UBE2K: variants seen among roughly 807,000 people sequenced by gnomAD.
UBE2K encodes ubiquitin conjugating enzyme E2 K.
Under a neutral mutation model 30.0 loss-of-function variants are expected in UBE2K, and 6 were observed. The ratio of observed to expected loss-of-function variants is 0.20; its 90% confidence interval spans 0.11 to 0.39. UBE2K has a LOEUF of 0.39. UBE2K is among the 10% of genes least tolerant of loss of function. The probability of loss-of-function intolerance (pLI) is 1.00; values close to 1 mark genes in which losing one functional copy is unlikely to be tolerated. For missense variants in UBE2K, 61 were observed against 241.6 expected (o/e 0.25, Z 4.96); for synonymous variants, 86 against 83.7 (o/e 1.03, Z -0.15).
intron 1 of UBE2K, among the ~76,000 whole-genome samples, chr4:39,724,189 C>G (rs924903248): frequency 9.9e-5 from 15 of 151,272 alleles, no homozygotes; most frequent in Non-Finnish European, 2.1e-4. Flanking sequence ...CTTACTACAA[C>G]CTGGAACTCC....
chr4:39,767,901 T>C (rs932418870), intron 4 of UBE2K, among the ~76,000 whole-genome samples: 2 of 152,200 alleles, frequency 1.3e-5, no homozygotes, highest in Non-Finnish European at 2.9e-5. Context: ...GGTGACACCA[T>C]GGATTTTAAA....
intron 4 of UBE2K, among the ~76,000 whole-genome samples, chr4:39,773,043 C>A (rs1181492792): frequency 6.6e-6 from 1 of 151,940 alleles, no homozygotes; most frequent in Admixed American, 6.6e-5. Context: ...CAGGTAGATA[C>A]TATTTTTTAG....
rs1322677126 is a variant in UBE2K, at chr4:39,770,582, G to A, written c.300-4252G>A. The A allele has an allele frequency of 2.2e-5, 35 of 1,581,868 alleles. No individual in the cohort carries two copies. The East Asian group carries it at 6.0e-4, about 27-fold the overall frequency. The stretch of plus-strand genomic sequence containing the variant: ...CCACCAGGCCCGAGGTGGCCCCCAC[G>A]CTGGCCCGGCCTCCCGGAGTCAACA... On this transcript the variant is annotated intron_variant, in intron 4 of 6. Coordinates refer to ENST00000261427, the MANE Select transcript of UBE2K (RefSeq NM_005339.5).
intron 1 of UBE2K, among the ~76,000 whole-genome samples, chr4:39,717,662 C>G (rs1719159049): frequency 1.3e-5 from 2 of 152,170 alleles, no homozygotes; most frequent in African/African-American, 4.8e-5. Context: ...TACTGTTGTT[C>G]TTGTGTCCGG....
At position 39,774,854 on chromosome 4, in the gene UBE2K, G is replaced by A. The variant is rs199792616; in HGVS notation, c.320G>A (p.Arg107His). 3 of 1,572,048 alleles carry A rather than the reference G, an allele frequency of 1.9e-6. No homozygotes were observed. The highest frequency in any genetic ancestry group is 2.3e-5 in the East Asian group (1 of 43,476). The change falls in exon 5 of 7, where the codon CGC becomes CAC. Residue 107 changes from arginine (R) to histidine (H), a missense_variant. By Grantham distance (29) the Arg-to-His change is conservative. Transcript: ENST00000261427. ...KDQWAAAMTLRTVLLSLQALL... is the reference protein window; with the variant it reads ...KDQWAAAMTLHTVLLSLQALL... ...TTTAGGGCAGCTGCAATGACTCTCC[G>A]CACGGTATTATTGTCATTGCAAGCA...
At chr4:39,749,444 G>A (rs1721140823) in intron 3 of UBE2K, among the ~76,000 whole-genome samples, 1 of 151,940 alleles carries the variant, frequency 6.6e-6, no homozygotes, top group Non-Finnish European at 1.5e-5. Flanking sequence ...CAGGCAGATG[G>A]CTTGAGCTCA....
At chr4:39,698,972 A>C (rs1717858679) in intron 1 of UBE2K, among the ~76,000 whole-genome samples, 2 of 152,194 alleles carry the variant, frequency 1.3e-5, no homozygotes, top group South Asian at 4.1e-4. Flanking sequence ...ACATAATAGA[A>C]TACTGTCTTA....
intron 4 of UBE2K, chr4:39,770,054 A>G: frequency 6.6e-7 from 1 of 1,506,698 alleles, no homozygotes; most frequent in Non-Finnish European, 8.9e-7. Flanking sequence ...CAGGGACCCC[A>G]GCCTCCGGGC....
At chr4:39,716,608 C>T (rs1266804211) in intron 1 of UBE2K, among the ~76,000 whole-genome samples, 1 of 152,184 alleles carries the variant, frequency 6.6e-6, no homozygotes, top group Non-Finnish European at 1.5e-5. Flanking sequence ...AGCCGGTAAT[C>T]CCAGCGTTTT....
intron 1 of UBE2K, among the ~76,000 whole-genome samples, chr4:39,724,433 A>C (rs973400701): frequency 6.6e-6 from 1 of 151,638 alleles, no homozygotes; most frequent in Non-Finnish European, 1.5e-5. Context: ...CTTCTAGTAC[A>C]CCTTGTAATT....
In UBE2K at chr4:39,698,148, G is replaced by A; in HGVS notation, c.-180G>A. On this transcript the variant is annotated 5_prime_UTR_variant, in exon 1 of 7. Coordinates refer to ENST00000261427, the MANE Select transcript of UBE2K (RefSeq NM_005339.5). ...GCGCCGACCCGGCGCCATTTTGGTG[G>A]CCGGGCGCGGAGGTGATTCCACACT... 1 of 654,778 alleles carries A rather than the reference G, an allele frequency of 1.5e-6. No individual in the cohort carries two copies. The allele number at this position is 654,778 out of a possible 1,614,324, so 40.6% of individuals were successfully genotyped here.
chr4:39,774,154 A>T (rs1713128250), intron 4 of UBE2K, among the ~76,000 whole-genome samples: 2 of 151,040 alleles, frequency 1.3e-5, no homozygotes, highest in Non-Finnish European at 3.0e-5. Flanking sequence ...AAAACAAAAA[A>T]AATGCTGGGT....
At chr4:39,761,223 G>T (rs1711921635) in intron 4 of UBE2K, 1 of 152,220 alleles carries the variant, frequency 6.6e-6, no homozygotes, top group Non-Finnish European at 1.5e-5. Flanking sequence ...AAACTCCTGT[G>T]CTAGTCAATA....
intron 4 of UBE2K, among the ~76,000 whole-genome samples, chr4:39,767,514 G>A (rs1175814476): frequency 2.6e-5 from 4 of 151,796 alleles, no homozygotes; most frequent in East Asian, 3.9e-4. Flanking sequence ...TAGTAGAGAC[G>A]GAGTTTCACC....
intron 4 of UBE2K, among the ~76,000 whole-genome samples, chr4:39,756,996 G>C (rs1445004639): frequency 7.0e-6 from 1 of 143,450 alleles, no homozygotes; most frequent in East Asian, 2.1e-4. Context: ...ATGTTTTTTT[G>C]GGTGTTTTTT....
intron 1 of UBE2K, among the ~76,000 whole-genome samples, chr4:39,699,895 A>G (rs575178629): frequency 2.0e-5 from 3 of 152,172 alleles, no homozygotes; most frequent in African/African-American, 4.8e-5. Flanking sequence ...ATGACTTTGT[A>G]TTTTGTGGTA....
In UBE2K at chr4:39,770,454, G is replaced by GTGCACTTGA. The variant is rs533669636; in HGVS notation, c.300-4377_300-4369dup. 8.0e-4 allele frequency: 1,291 copies of GTGCACTTGA among 1,611,802 alleles called. 9 individuals are homozygous for GTGCACTTGA. The East Asian group carries it at 0.015, about 18-fold the overall frequency. On this transcript the variant is annotated intron_variant, in intron 4 of 6. Transcript: ENST00000261427. ...GCCCTGGAACACTTCCGGGCACTTG[G>GTGCACTTGA]TGCACTTGATGTTCTTTAAGGGGTT... is the stretch of plus-strand genomic sequence containing the variant.
chr4:39,706,867 A>G (rs1718396639), intron 1 of UBE2K, among the ~76,000 whole-genome samples: 2 of 151,970 alleles, frequency 1.3e-5, no homozygotes, highest in Admixed American at 6.6e-5. Flanking sequence ...CAAAGTGTAA[A>G]TGCTATGGGA....
At chr4:39,708,024 G>A (rs1718465822) in intron 1 of UBE2K, among the ~76,000 whole-genome samples, 1 of 151,870 alleles carries the variant, frequency 6.6e-6, no homozygotes, top group Non-Finnish European at 1.5e-5. Flanking sequence ...AGTCTCCCGA[G>A]AAGCTGGGAT....
Sources: allele counts gnomAD v4.1 joint callset (sites outside exome capture counted in the v4.1 genomes callset), GRCh38; gene constraint gnomAD v4.1.1; transcripts MANE v1.5; gene names NCBI Gene and HGNC (gene_info 2026-07-23, HGNC 2026-07-21).